The following TXNDC16 variants were observed in gnomAD, a reference collection of about 807,000 sequenced individuals.
TXNDC16 encodes the protein thioredoxin domain containing 16.
In TXNDC16, 74 loss-of-function variants were observed where a neutral mutation model predicts 85.6. That is an observed-to-expected ratio of 0.86 (90% CI 0.72 to 1.05). The LOEUF is 1.05. Among genes scored for constraint, TXNDC16 ranks in the 50% least tolerant of loss-of-function variants. TXNDC16 has a pLI of 0.00. For synonymous variants in TXNDC16, 335 were observed against 326.5 expected, an observed-to-expected ratio of 1.03 and a Z score of -0.28; for missense variants, 959 against 947.0, an observed-to-expected ratio of 1.01 and a Z score of -0.17.
chr14:52,470,477 C>T, intron 15 of TXNDC16, 35 bp downstream of exon 15: 2 of 1,587,010 alleles, frequency 1.3e-6, no homozygotes, highest in Non-Finnish European at 1.7e-6. Flanking sequence ...AAGACCTAAA[C>T]ATTCAGAGAT....
At chr14:52,454,203 A>T (rs2035475077) in intron 18 of TXNDC16, among the ~76,000 whole-genome samples, 1 of 152,218 alleles carries the variant, frequency 6.6e-6, no homozygotes, top group Non-Finnish European at 1.5e-5. Context: ...AGGCAGGAGG[A>T]TCACTTGAGC....
Position 52,542,406 on chromosome 14 carries a change from T to C in TXNDC16, c.208A>G (p.Arg70Gly). The change falls in exon 4 of 21, where the codon AGA becomes GGA. Residue 70 changes from arginine to glycine, a missense_variant. Transcript: ENST00000281741. ...GAAATTCCATAGTCCTGCAGAGGTC[T>C]AACAGCCTCATTCAGTTCTTCAAGA... ...VFLEELNEAV[R>G]PLQDYGISVA... is the part of the protein sequence containing the mutation. 2 of 1,612,820 alleles carry C rather than the reference T, an allele frequency of 1.2e-6. No homozygotes were observed. Among genetic ancestry groups the C allele is most frequent in the Non-Finnish European group, 1.7e-6 (2 of 1,179,320 alleles).
intron 6 of TXNDC16, among the ~76,000 whole-genome samples, chr14:52,531,097 G>C (rs2037567011): frequency 6.6e-6 from 1 of 151,968 alleles, no homozygotes. Flanking sequence ...TAAGTCATCA[G>C]GGAAATGCAA....
intron 8 of TXNDC16, 112 bp downstream of exon 8, chr14:52,514,768 C>T: frequency 1.4e-6 from 1 of 719,760 alleles, no homozygotes; most frequent in Non-Finnish European, 2.3e-6. Context: ...TGCTATGGTT[C>T]CTTTATCTAA....
At position 52,432,551 on chromosome 14, in the gene TXNDC16, G is replaced by A. The variant is rs763865016; in HGVS notation, c.2231C>T (p.Pro744Leu). 23 of 1,610,844 alleles carry A rather than the reference G, an allele frequency of 1.4e-5. No individual in the cohort carries two copies. The Admixed American group carries it at 3.7e-4, about 26-fold the overall frequency. ...TATCATACTTAGAAAATCATAAGCTGGAAGAGGAGGTTTCCATTCTTGAGC... is the reference window on the plus strand; with the variant it reads ...TATCATACTTAGAAAATCATAAGCTAGAAGAGGAGGTTTCCATTCTTGAGC... ...LPAQEWKPPL[P>L]AYDFLSMIDA... Residue 744 changes from proline to leucine, a missense_variant, in exon 21 of 21, where the codon CCA (proline) becomes CTA (leucine). Pro to Leu is a moderately conservative substitution (Grantham distance 98). Transcript: ENST00000281741.
intron 14 of TXNDC16, among the ~76,000 whole-genome samples, chr14:52,477,326 AATACTAAC>A (rs1412117466): frequency 6.6e-6 from 1 of 152,204 alleles, no homozygotes; most frequent in Non-Finnish European, 1.5e-5. Context: ...CTCACATCTC[AATACTAAC>A]ATTGAATGTA....
At chr14:52,457,402 A>G (rs1458609352) in intron 16 of TXNDC16, among the ~76,000 whole-genome samples, 2 of 152,206 alleles carry the variant, frequency 1.3e-5, no homozygotes, top group African/African-American at 4.8e-5. Flanking sequence ...TGGCTTCCAA[A>G]ACAAATGTAC....
At chr14:52,490,748 T>G in intron 10 of TXNDC16, 91 bp downstream of exon 10, 2 of 1,379,300 alleles carry the variant, frequency 1.5e-6, no homozygotes, top group Non-Finnish European at 2.0e-6. Flanking sequence ...GAGATTTGAG[T>G]TTACTTATAA....
At chr14:52,453,864 T>C (rs2140113706) in intron 18 of TXNDC16, among the ~76,000 whole-genome samples, 1 of 152,226 alleles carries the variant, frequency 6.6e-6, no homozygotes, top group African/African-American at 2.4e-5. Context: ...CTGCCTATCT[T>C]TTGGATAAAA....
intron 9 of TXNDC16, among the ~76,000 whole-genome samples, chr14:52,500,393 TCTA>T (rs779018094): frequency 1.7e-4 from 26 of 152,194 alleles, no homozygotes; most frequent in Non-Finnish European, 3.2e-4. Context: ...ATATGTGGTA[TCTA>T]CAGTAATCAA....
chr14:52,448,309 C>T (rs567198818), intron 18 of TXNDC16, among the ~76,000 whole-genome samples: 1 of 151,912 alleles, frequency 6.6e-6, no homozygotes, highest in South Asian at 2.1e-4. Context: ...AGAAATACAA[C>T]ACACAATGTA....
intron 18 of TXNDC16, among the ~76,000 whole-genome samples, chr14:52,447,028 G>A (rs138275492): frequency 6.6e-6 from 1 of 151,678 alleles, no homozygotes; most frequent in Non-Finnish European, 1.5e-5. Context: ...AAAGTAGAGG[G>A]AAAAGTAAAG....
chr14:52,536,816 T>C (rs45546943), intron 5 of TXNDC16, 23 bp from the exon 6 acceptor site: 323 of 1,560,102 alleles, frequency 2.1e-4, no homozygotes, highest in Non-Finnish European at 8.5e-5. Context: ...TAAAAACATA[T>C]TAATATTGAA....
At chr14:52,525,258 A>T (rs2037300414) in intron 6 of TXNDC16, among the ~76,000 whole-genome samples, 1 of 152,158 alleles carries the variant, frequency 6.6e-6, no homozygotes, top group Non-Finnish European at 1.5e-5. Context: ...AAAATAAATA[A>T]CATTTTAGAG....
In TXNDC16 at chr14:52,496,026, G is replaced by C. The variant is rs376597652; in HGVS notation, c.757-5021C>G. 1.6e-4 allele frequency among the ~76,000 whole-genome samples: 24 copies of C among 152,134 alleles called. 1 individual carries two copies. Among genetic ancestry groups the C allele is most frequent in the East Asian group, 3.9e-4 (2 of 5,158 alleles). Reference sequence around the variant, plus strand: ...TGAAAAAAAATTAGCCGGGTGTGGTGGTGGGCACCTGTAGTTCCAGCTACT... The same window carrying C: ...TGAAAAAAAATTAGCCGGGTGTGGTCGTGGGCACCTGTAGTTCCAGCTACT... On this transcript the variant is annotated intron_variant, in intron 9 of 20. Coordinates refer to ENST00000281741, the MANE Select transcript of TXNDC16 (RefSeq NM_020784.3).
At chr14:52,518,244 T>A (rs1253614831) in intron 7 of TXNDC16, among the ~76,000 whole-genome samples, 1 of 152,190 alleles carries the variant, frequency 6.6e-6, no homozygotes, top group Admixed American at 6.5e-5. Context: ...ACAACTTTAT[T>A]TCTCAAATTT....
intron 6 of TXNDC16, among the ~76,000 whole-genome samples, chr14:52,521,105 A>G (rs2140195101): frequency 6.6e-6 from 1 of 151,942 alleles, no homozygotes; most frequent in South Asian, 2.1e-4. Flanking sequence ...ACTTAGTGAG[A>G]AGAATGGTGT....
At chr14:52,487,416 TATATA>T (rs987063031) in intron 12 of TXNDC16, among the ~76,000 whole-genome samples, 3 of 152,232 alleles carry the variant, frequency 2.0e-5, no homozygotes, top group Middle Eastern at 6.3e-3. Flanking sequence ...ATAATGGTAC[TATATA>T]AAACATTCAA....
chr14:52,489,444 G>A (rs1566556274), intron 11 of TXNDC16, among the ~76,000 whole-genome samples: 1 of 151,804 alleles, frequency 6.6e-6, no homozygotes, highest in African/African-American at 2.4e-5. Flanking sequence ...AAAGCTATGA[G>A]CTCTAAGTAT....
Sources: gnomAD v4.1 joint callset for allele counts (sites outside exome capture counted in the v4.1 genomes callset) on GRCh38, gnomAD v4.1.1 for gene constraint, MANE v1.5 for transcripts, NCBI Gene and HGNC (gene_info 2026-07-23, HGNC 2026-07-21) for gene names.